The following CYB5R4 variants were observed in gnomAD, a reference collection of about 807,000 sequenced individuals.
CYB5R4 encodes the protein cytochrome b5 reductase 4.
Under a neutral mutation model 70.2 loss-of-function variants are expected in CYB5R4, and 55 were observed. The observed-to-expected ratio is 0.78, with a 90% CI of 0.63 to 0.98. The LOEUF (loss-of-function observed/expected upper bound fraction) is 0.98. CYB5R4 is among the 50% of genes least tolerant of loss of function. The probability of loss-of-function intolerance (pLI) is 0.00; values close to 1 mark genes in which losing one functional copy is unlikely to be tolerated. For synonymous variants in CYB5R4, 197 were observed against 199.5 expected (o/e 0.99, Z 0.11); for missense variants, 562 against 612.6 (o/e 0.92, Z 0.87).
intron 14 of CYB5R4, among the ~76,000 whole-genome samples, chr6:83,943,398 A>G (rs2099470069): frequency 6.6e-6 from 1 of 152,070 alleles, no homozygotes; most frequent in Non-Finnish European, 1.5e-5. Flanking sequence ...AAACTAACAA[A>G]CAGAAAGCAA....
At chr6:83,895,947 C>G (rs2099461826) in intron 3 of CYB5R4, among the ~76,000 whole-genome samples, 1 of 152,144 alleles carries the variant, frequency 6.6e-6, no homozygotes, top group African/African-American at 2.4e-5. Context: ...CTGTTTTTAT[C>G]CCACCGCTGA....
chr6:83,919,586 C>T (rs556325997), intron 7 of CYB5R4, 132 bp downstream of exon 7: 35 of 421,630 alleles, frequency 8.3e-5, no homozygotes, highest in African/African-American at 7.3e-4. Context: ...TATTGTTATC[C>T]CTTTTGTACA....
chr6:83,873,101 T>C (rs913542876), intron 2 of CYB5R4, among the ~76,000 whole-genome samples: 5 of 152,220 alleles, frequency 3.3e-5, no homozygotes, highest in African/African-American at 1.2e-4. Flanking sequence ...AATCATGCTT[T>C]AGCATTTGTG....
chr6:83,867,432 G>A (rs2099456907), intron 2 of CYB5R4, among the ~76,000 whole-genome samples: 1 of 152,200 alleles, frequency 6.6e-6, no homozygotes. Context: ...CATATAGATG[G>A]CAGTGTGTAC....
At chr6:83,924,707 T>C in intron 10 of CYB5R4, 115 bp downstream of exon 10, 1 of 1,091,544 alleles carries the variant, frequency 9.2e-7, no homozygotes, top group African/African-American at 1.6e-5. Context: ...TCCTTGTATC[T>C]ACTGCTAGGA....
chr6:83,865,676 A>G (rs576991830), intron 2 of CYB5R4, among the ~76,000 whole-genome samples: 2 of 152,254 alleles, frequency 1.3e-5, no homozygotes, highest in African/African-American at 4.8e-5. Context: ...TAACAACCCT[A>G]TATCCAAATA....
At chr6:83,948,088 CT>C (rs1344635079) in intron 14 of CYB5R4, among the ~76,000 whole-genome samples, 1 of 152,122 alleles carries the variant, frequency 6.6e-6, no homozygotes, top group Admixed American at 6.5e-5. Flanking sequence ...TATTGCAGCA[CT>C]ATTCACAATA....
intron 3 of CYB5R4, among the ~76,000 whole-genome samples, chr6:83,907,813 C>CT (rs2099464047): frequency 6.6e-6 from 1 of 152,242 alleles, no homozygotes; most frequent in South Asian, 2.1e-4. Context: ...TAATCTTGTT[C>CT]TTTTTTATGG....
chr6:83,880,351 A>C (rs2129131329), intron 2 of CYB5R4, among the ~76,000 whole-genome samples: 1 of 152,306 alleles, frequency 6.6e-6, no homozygotes, highest in East Asian at 1.9e-4. Flanking sequence ...CATTGGCTTT[A>C]ATTTTTTTTG....
chr6:83,899,875 G>T (rs748247087), intron 3 of CYB5R4, among the ~76,000 whole-genome samples: 1 of 151,946 alleles, frequency 6.6e-6, no homozygotes, highest in Non-Finnish European at 1.5e-5. Context: ...TAGTAGTCTT[G>T]CTAGGGGTCT....
At chr6:83,911,340 A>G (rs1249279388) in intron 4 of CYB5R4, among the ~76,000 whole-genome samples, 1 of 152,160 alleles carries the variant, frequency 6.6e-6, no homozygotes, top group Non-Finnish European at 1.5e-5. Flanking sequence ...TTTCTAGAGG[A>G]AAAAATGGTT....
rs940150358 is a variant in CYB5R4 at position 83,885,928 on chromosome 6, C to T, written c.230-7594C>T. Reference sequence around the variant, plus strand: ...ACGAAAATATAAGTCCACACAAAAACGTGTACATGAATGTTAATAGCAACA... The same window carrying T: ...ACGAAAATATAAGTCCACACAAAAATGTGTACATGAATGTTAATAGCAACA... On this transcript the variant is annotated intron_variant, in intron 2 of 15. Transcript: ENST00000369681. Among the ~76,000 whole-genome samples the T allele has an allele frequency of 6.6e-5, 10 of 152,230 alleles. No individual in the cohort carries two copies. The South Asian group carries it at 8.3e-4, about 13-fold the overall frequency.
intron 2 of CYB5R4, among the ~76,000 whole-genome samples, chr6:83,887,150 T>TA (rs1319712282): frequency 3.3e-5 from 5 of 152,164 alleles, no homozygotes; most frequent in Middle Eastern, 3.4e-3. Flanking sequence ...CGTTTTTAGG[T>TA]AAAAAAATGA....
chr6:83,921,732 CCA>C (rs1041854920), intron 8 of CYB5R4, among the ~76,000 whole-genome samples: 64 of 152,268 alleles, frequency 4.2e-4, no homozygotes, highest in African/African-American at 1.4e-3. Flanking sequence ...ACTAAAAATT[CCA>C]CAGTTAAAAA....
At chr6:83,880,856 T>C (rs1205593200) in intron 2 of CYB5R4, among the ~76,000 whole-genome samples, 1 of 152,212 alleles carries the variant, frequency 6.6e-6, no homozygotes. Context: ...GCATCAATAT[T>C]GGGCCGGTCT....
At chr6:83,943,682 T>A (rs2099470116) in intron 14 of CYB5R4, among the ~76,000 whole-genome samples, 1 of 152,004 alleles carries the variant, frequency 6.6e-6, no homozygotes, top group Admixed American at 6.6e-5. Context: ...GAGCATGTTC[T>A]AACCCAGTGC....
intron 10 of CYB5R4, chr6:83,926,244 G>A (rs1370815741): frequency 6.6e-6 from 1 of 152,152 alleles, no homozygotes; most frequent in Non-Finnish European, 1.5e-5. Flanking sequence ...AATGCCAAGA[G>A]TCCCTAGAGT....
intron 2 of CYB5R4, among the ~76,000 whole-genome samples, chr6:83,875,525 C>T (rs1021439214): frequency 2.6e-4 from 40 of 152,110 alleles, no homozygotes; most frequent in African/African-American, 9.7e-4. Flanking sequence ...ATCCAGACCC[C>T]AAGAGAGGGT....
chr6:83,883,741 A>G (rs889517316), intron 2 of CYB5R4, among the ~76,000 whole-genome samples: 1 of 152,170 alleles, frequency 6.6e-6, no homozygotes, highest in Admixed American at 6.5e-5. Context: ...AGAAAATACT[A>G]CTTTTTGTCC....
Sources: gnomAD v4.1 joint callset for allele counts (sites outside exome capture counted in the v4.1 genomes callset) on GRCh38, gnomAD v4.1.1 for gene constraint, MANE v1.5 for transcripts, NCBI Gene and HGNC (gene_info 2026-07-23, HGNC 2026-07-21) for gene names.